Variants in SLCO6A1 observed in about 807,000 individuals in gnomAD.
SLCO6A1 encodes solute carrier organic anion transporter family member 6A1.
A neutral mutation model predicts 72.7 loss-of-function variants in SLCO6A1; 65 were observed. That is an observed-to-expected ratio of 0.89 (90% confidence interval 0.73 to 1.10). The LOEUF is 1.10. Among genes scored for constraint, SLCO6A1 ranks in the 50% least tolerant of loss-of-function variants. SLCO6A1 has a pLI of 0.00. For missense variants in SLCO6A1, 874 were observed against 872.6 expected, an observed-to-expected ratio of 1.00 and a Z score of -0.02; for synonymous variants, 314 against 298.2, an observed-to-expected ratio of 1.05 and a Z score of -0.55.
At chr5:102,392,651 G>A (rs768781512) in intron 10 of SLCO6A1, among the ~76,000 whole-genome samples, 4 of 151,500 alleles carry the variant, frequency 2.6e-5, no homozygotes, top group South Asian at 2.1e-4. Context: ...TAAGAAATAC[G>A]AATACACAAC....
intron 6 of SLCO6A1, 110 bp downstream of exon 6, chr5:102,458,272 T>C (rs1201813864): frequency 9.5e-6 from 7 of 738,492 alleles, no homozygotes; most frequent in Non-Finnish European, 1.5e-5. Flanking sequence ...AAAAAAAAAG[T>C]CTCACCCAGA....
chr5:102,459,571 T>G lies in SLCO6A1; in HGVS notation c.1021+85A>C. 2.2e-6 allele frequency: 3 copies of G among 1,377,984 alleles called. No homozygotes were observed. The South Asian group carries it at 5.0e-5, about 23-fold the overall frequency. 85.4% of individuals were successfully genotyped at this position (1,377,984 alleles called of 1,614,324 possible). The stretch of plus-strand genomic sequence containing the variant: ...AGAGGCATACTCATTTTATTAAAAA[T>G]GTAATACAGTCATTCTATGAGAATA... On this transcript the variant is annotated intron_variant, in intron 5 of 13. Transcript: ENST00000506729.
intron 7 of SLCO6A1, among the ~76,000 whole-genome samples, chr5:102,427,733 A>G (rs981848487): frequency 2.0e-5 from 3 of 151,482 alleles, no homozygotes; most frequent in Non-Finnish European, 4.4e-5. Context: ...TATTGTATTA[A>G]TTTTGGTTCA....
At position 102,477,808 on chromosome 5, in the gene SLCO6A1, A is replaced by G; in HGVS notation, c.670T>C (p.Phe224Leu). The change falls in exon 3 of 14, where the codon TTC becomes CTC. Residue 224 changes from phenylalanine (F) to leucine (L), a missense_variant. Phe to Leu is a conservative substitution (Grantham distance 22). Coordinates refer to ENST00000506729, the MANE Select transcript of SLCO6A1 (RefSeq NM_173488.5). ...AAGAAAGACAGGTATTTTGATTGGA[A>G]TGATATACCACTGCTCTGGCAACCA... ...VSGCQSSGISFQSKYLSFFIL... is the reference protein window; with the variant it reads ...VSGCQSSGISLQSKYLSFFIL... The G allele has an allele frequency of 6.2e-7, 1 of 1,613,776 alleles. No homozygotes were observed. Among genetic ancestry groups the G allele is most frequent in the Non-Finnish European group, 8.5e-7 (1 of 1,179,800 alleles).
chr5:102,459,684 T>A lies in SLCO6A1; in HGVS notation c.993A>T (p.Pro331=), dbSNP rs200340192. 1.3e-5 allele frequency: 21 copies of A among 1,596,842 alleles called. No homozygotes were observed. The highest frequency in any genetic ancestry group is 1.7e-5 in the Non-Finnish European group (20 of 1,174,624). The change falls in exon 5 of 14, where the codon CCA becomes CCT. Residue 331 remains proline (P), a synonymous_variant. Transcript: ENST00000506729. ...AAVVAWCTLI[P]LSCFPNNMPG... ...GCATATTGTTTGGAAAGCATGACAA[T>A]GGTATTAATGTACACCATGCAACGA... is the stretch of plus-strand genomic sequence containing the variant.
At chr5:102,409,079 T>C (rs1453696341) in intron 9 of SLCO6A1, among the ~76,000 whole-genome samples, 1 of 152,152 alleles carries the variant, frequency 6.6e-6, no homozygotes, top group Non-Finnish European at 1.5e-5. Context: ...ATTTATTTAA[T>C]ATCTATATAA....
chr5:102,433,333 A>C (rs904771595), intron 7 of SLCO6A1, among the ~76,000 whole-genome samples: 5 of 152,332 alleles, frequency 3.3e-5, no homozygotes, highest in Middle Eastern at 6.8e-3. Flanking sequence ...GAAGGAAAGA[A>C]GACCTTATGG....
intron 6 of SLCO6A1, among the ~76,000 whole-genome samples, chr5:102,441,185 C>G (rs1749813653): frequency 6.6e-6 from 1 of 152,092 alleles, no homozygotes; most frequent in South Asian, 2.1e-4. Flanking sequence ...CACCTCTATA[C>G]CACAGAGGTA....
intron 6 of SLCO6A1, among the ~76,000 whole-genome samples, chr5:102,444,796 T>C (rs1750020802): frequency 1.3e-5 from 2 of 152,174 alleles, no homozygotes; most frequent in Non-Finnish European, 2.9e-5. Flanking sequence ...GTTTGTTACA[T>C]GGGTAAATTG....
intron 7 of SLCO6A1, among the ~76,000 whole-genome samples, chr5:102,434,439 C>A (rs1188603624): frequency 6.6e-6 from 1 of 152,192 alleles, no homozygotes; most frequent in Admixed American, 6.5e-5. Context: ...CCTCTTTTCA[C>A]ATCACCCTTT....
intron 7 of SLCO6A1, among the ~76,000 whole-genome samples, chr5:102,422,978 C>T (rs1664577270): frequency 6.6e-6 from 1 of 152,146 alleles, no homozygotes; most frequent in African/African-American, 2.4e-5. Context: ...ATTCAACATT[C>T]TTAAAGAAAA....
intron 9 of SLCO6A1, among the ~76,000 whole-genome samples, chr5:102,407,566 G>A (rs1010514398): frequency 2.6e-5 from 4 of 152,248 alleles, no homozygotes; most frequent in African/African-American, 9.6e-5. Context: ...ATATTCTATG[G>A]CATAGTTTAC....
chr5:102,461,060 G>A (rs1751013930), intron 4 of SLCO6A1, among the ~76,000 whole-genome samples: 1 of 150,874 alleles, frequency 6.6e-6, no homozygotes, highest in Admixed American at 6.6e-5. Context: ...TTTGAACCCA[G>A]CTATGTATTC....
At chr5:102,436,831 C>G (rs1433286718) in intron 7 of SLCO6A1, among the ~76,000 whole-genome samples, 3 of 152,164 alleles carry the variant, frequency 2.0e-5, no homozygotes, top group African/African-American at 4.8e-5. Context: ...TTACAGCAAT[C>G]TTTTGACTTT....
At chr5:102,487,507 C>T (rs931476737) in intron 1 of SLCO6A1, among the ~76,000 whole-genome samples, 3 of 152,290 alleles carry the variant, frequency 2.0e-5, no homozygotes, top group Admixed American at 6.5e-5. Context: ...TGTGACTTTA[C>T]TCTTCGGCCA....
In SLCO6A1 at chr5:102,454,258, A is replaced by G. The variant is rs1414890022; in HGVS notation, c.1131+4124T>C. Among the ~76,000 whole-genome samples, 4 of 152,288 alleles carry G rather than the reference A, an allele frequency of 2.6e-5. No individual in the cohort carries two copies. The East Asian group carries it at 7.7e-4, about 29-fold the overall frequency. Reference sequence around the variant, plus strand: ...TGTTAGCCTTCACTGTTACCAAGACATGGAGGGTAGGGAGGAAAGAAAAGA... The same window carrying G: ...TGTTAGCCTTCACTGTTACCAAGACGTGGAGGGTAGGGAGGAAAGAAAAGA... On this transcript the variant is annotated intron_variant, in intron 6 of 13. Coordinates refer to ENST00000506729, the MANE Select transcript of SLCO6A1 (RefSeq NM_173488.5).
At chr5:102,472,355 G>A (rs1751671764) in intron 4 of SLCO6A1, among the ~76,000 whole-genome samples, 1 of 152,066 alleles carries the variant, frequency 6.6e-6, no homozygotes, top group South Asian at 2.1e-4. Context: ...GGTAGTACCT[G>A]TAGCAATAAA....
At chr5:102,461,385 T>A (rs1415978601) in intron 4 of SLCO6A1, among the ~76,000 whole-genome samples, 1 of 152,094 alleles carries the variant, frequency 6.6e-6, no homozygotes, top group African/African-American at 2.4e-5. Context: ...ATTCAAGTAA[T>A]TCAAATCAAA....
intron 4 of SLCO6A1, among the ~76,000 whole-genome samples, chr5:102,469,192 T>C (rs2112794038): frequency 6.6e-6 from 1 of 152,284 alleles, no homozygotes; most frequent in Middle Eastern, 3.4e-3. Flanking sequence ...TTTCCAATTC[T>C]GTGAAGCAAG....
Sources: allele counts gnomAD v4.1 joint callset (sites outside exome capture counted in the v4.1 genomes callset), GRCh38; gene constraint gnomAD v4.1.1; transcripts MANE v1.5; gene names NCBI Gene and HGNC (gene_info 2026-07-23, HGNC 2026-07-21).